PRDM10: variants seen among roughly 807,000 people sequenced by gnomAD.
The protein encoded by PRDM10 is PR/SET domain 10, also known as PR domain zinc finger protein 10.
In PRDM10, 65 loss-of-function variants were observed where a neutral mutation model predicts 133.1. The ratio of observed to expected loss-of-function variants is 0.49; its 90% confidence interval spans 0.40 to 0.60. PRDM10 has a LOEUF of 0.60. PRDM10 is among the 20% of genes least tolerant of loss of function. The pLI is 0.00. For missense variants in PRDM10, 1,137 were observed against 1,507.1 expected, an observed-to-expected ratio of 0.75 and a Z score of 4.07; for synonymous variants, 582 against 580.4, an observed-to-expected ratio of 1.00 and a Z score of -0.04.
At chr11:129,951,050 C>A (rs1951568950) in intron 4 of PRDM10, among the ~76,000 whole-genome samples, 1 of 152,170 alleles carries the variant, frequency 6.6e-6, no homozygotes, top group African/African-American at 2.4e-5. Flanking sequence ...CAGAAACATG[C>A]AAACTGCTGT....
intron 8 of PRDM10, 40 bp downstream of exon 8, chr11:129,937,558 G>T (rs369482525): frequency 2.6e-6 from 4 of 1,567,454 alleles, no homozygotes; most frequent in Non-Finnish European, 3.5e-6. Context: ...ATACAATTTA[G>T]AATTCATATA....
In PRDM10 at chr11:129,915,968, C is replaced by T. The variant is rs80341817; in HGVS notation, c.2326-108G>A. ...AAAATGAGGAAAAGTATTCATGTAG[C>T]CCCAAATAAAATATATTAATATGTA... is the stretch of plus-strand genomic sequence containing the variant. On this transcript the variant is annotated intron_variant, in intron 15 of 20. Coordinates refer to ENST00000360871, the MANE Select transcript of PRDM10 (RefSeq NM_199437.2). The T allele has an allele frequency of 2.9e-6, 3 of 1,035,880 alleles. No homozygotes were observed. The Admixed American group carries it at 8.8e-5, about 30-fold the overall frequency. 64.2% of individuals were successfully genotyped at this position (1,035,880 alleles called of 1,614,324 possible).
chr11:129,962,184 C>T (rs921812024), intron 1 of PRDM10, among the ~76,000 whole-genome samples: 2 of 152,126 alleles, frequency 1.3e-5, no homozygotes, highest in African/African-American at 2.4e-5. Context: ...AATCTTATTC[C>T]TTCCCAAAAC....
At chr11:129,916,009 TGAA>T in intron 15 of PRDM10, 149 bp from the exon 16 acceptor site, 1 of 677,772 alleles carries the variant, frequency 1.5e-6, no homozygotes, top group Non-Finnish European at 2.3e-6. Context: ...ACAGATCTAT[TGAA>T]GAGCAAGGAT....
chr11:129,955,402 G>C, intron 4 of PRDM10, 110 bp downstream of exon 4: 1 of 1,008,682 alleles, frequency 9.9e-7, no homozygotes, highest in South Asian at 1.7e-5. Context: ...AACATTCTTA[G>C]TACATGAGAA....
rs550829538 is a variant in PRDM10 at position 129,990,628 on chromosome 11, C to T, written c.-119+12094G>A. Among the ~76,000 whole-genome samples the T allele has an allele frequency of 1.2e-4, 18 of 151,762 alleles. No homozygotes were observed. The South Asian group carries it at 3.3e-3, about 28-fold the overall frequency. ...TATAAACACGTTAATGTGGTCCTCACCTGTTTTTATTATCATTATTTTGTA... is the reference window on the plus strand; with the variant it reads ...TATAAACACGTTAATGTGGTCCTCATCTGTTTTTATTATCATTATTTTGTA... On this transcript the variant is annotated intron_variant, in intron 1 of 20. Transcript: ENST00000360871.
At chr11:129,981,101 C>G (rs1002144131) in intron 1 of PRDM10, among the ~76,000 whole-genome samples, 1 of 151,990 alleles carries the variant, frequency 6.6e-6, no homozygotes, top group Non-Finnish European at 1.5e-5. Context: ...CAACTCCTGA[C>G]CTCAGGTGAT....
chr11:129,999,643 T>C (rs1939237542), intron 1 of PRDM10, among the ~76,000 whole-genome samples: 1 of 152,200 alleles, frequency 6.6e-6, no homozygotes, highest in South Asian at 2.1e-4. Context: ...GGTTACGAGG[T>C]GTTTACCAGT....
rs1949793318 is a variant in PRDM10 at position 129,899,759 on chromosome 11, T to G, written c.*2554A>C. On this transcript the variant is annotated 3_prime_UTR_variant, in exon 21 of 21. Coordinates refer to ENST00000360871, the MANE Select transcript of PRDM10 (RefSeq NM_199437.2). Reference sequence around the variant, plus strand: ...TTATTAAAAAATATATTTATTAATTTTTACACCTGCTGCATAGCACAAGAC... The same window carrying G: ...TTATTAAAAAATATATTTATTAATTGTTACACCTGCTGCATAGCACAAGAC... 6.6e-6 allele frequency: 1 copy of G among 152,626 alleles called. No individual in the cohort carries two copies. Among genetic ancestry groups the G allele is most frequent in the Admixed American group, 6.5e-5 (1 of 15,278 alleles). 9.5% of individuals were successfully genotyped at this position (152,626 alleles called of 1,614,324 possible).
chr11:129,917,862 G>A (rs560198600), intron 14 of PRDM10, among the ~76,000 whole-genome samples: 1 of 152,334 alleles, frequency 6.6e-6, no homozygotes, highest in African/African-American at 2.4e-5. Flanking sequence ...TGGGTGCAGT[G>A]GCTCACGCCT....
chr11:129,950,142 T>C (rs1951545652), intron 4 of PRDM10, among the ~76,000 whole-genome samples: 1 of 151,128 alleles, frequency 6.6e-6, no homozygotes, highest in Non-Finnish European at 1.5e-5. Flanking sequence ...GAGACTGACA[T>C]GGGAGAATCA....
intron 1 of PRDM10, among the ~76,000 whole-genome samples, chr11:129,988,865 G>A (rs573697275): frequency 1.6e-4 from 22 of 140,974 alleles, no homozygotes; most frequent in Admixed American, 1.2e-3. Flanking sequence ...TCCTGACCTC[G>A]TGATCCGCCC....
intron 1 of PRDM10, among the ~76,000 whole-genome samples, chr11:129,999,042 C>T (rs1939206773): frequency 6.6e-6 from 1 of 151,936 alleles, no homozygotes; most frequent in South Asian, 2.1e-4. Context: ...AGACTGTTCT[C>T]GAACTCCTGG....
chr11:129,951,879 C>G (rs751902430), intron 4 of PRDM10, among the ~76,000 whole-genome samples: 1 of 151,860 alleles, frequency 6.6e-6, no homozygotes, highest in African/African-American at 2.4e-5. Flanking sequence ...ATTCTGCCCC[C>G]ACTAAAAACA....
chr11:130,000,834 C>T (rs183036971), intron 1 of PRDM10, among the ~76,000 whole-genome samples: 1 of 152,278 alleles, frequency 6.6e-6, no homozygotes, highest in African/African-American at 2.4e-5. Flanking sequence ...AGGCCGAGCG[C>T]GGGGGCCCAT....
chr11:129,987,663 A>G (rs1239927928), intron 1 of PRDM10, among the ~76,000 whole-genome samples: 5 of 152,278 alleles, frequency 3.3e-5, no homozygotes, highest in Non-Finnish European at 7.3e-5. Flanking sequence ...ATAAGTGAAG[A>G]AAATATGGTA....
Position 129,923,541 on chromosome 11 carries a change from G to T in PRDM10, c.1879-138C>A. 1 of 881,794 alleles carries T rather than the reference G, an allele frequency of 1.1e-6. No homozygotes were observed. Among genetic ancestry groups the T allele is most frequent in the Non-Finnish European group, 1.7e-6 (1 of 604,166 alleles). 54.6% of individuals were successfully genotyped at this position (881,794 alleles called of 1,614,324 possible). ...ACCCCGCCGAGGAATCCAATCAGAT[G>T]TGATAATTGGCCTCAATAACACATA... On this transcript the variant is annotated intron_variant, in intron 12 of 20. Coordinates refer to ENST00000360871, the MANE Select transcript of PRDM10 (RefSeq NM_199437.2). The surrounding 1 kb of genome is among the most constrained non-coding windows in gnomAD (Gnocchi z 4.4).
In PRDM10 at chr11:129,915,763, G is replaced by T; in HGVS notation, c.2423C>A (p.Pro808His). The part of the protein sequence containing the change: ...PSIRKLRPAG[P>H]GEPDPMLSTH... Reference sequence around the variant, plus strand: ...GCTCAGCATGGGGTCTGGCTCTCCAGGACCAGCGGGTCGGAGCTTCCGAAT... The same window carrying T: ...GCTCAGCATGGGGTCTGGCTCTCCATGACCAGCGGGTCGGAGCTTCCGAAT... The change falls in exon 16 of 21, where the codon CCT becomes CAT. Residue 808 changes from proline (P) to histidine (H), a missense_variant. Transcript: ENST00000360871. The T allele has an allele frequency of 6.2e-7, 1 of 1,614,208 alleles. No homozygotes were observed. Among genetic ancestry groups the T allele is most frequent in the South Asian group, 1.1e-5 (1 of 91,090 alleles).
At chr11:129,988,786 C>T (rs569793455) in intron 1 of PRDM10, among the ~76,000 whole-genome samples, 5 of 152,098 alleles carry the variant, frequency 3.3e-5, no homozygotes, top group South Asian at 4.2e-4. Flanking sequence ...TCCGCCACCA[C>T]ACCCAGCTAA....
Sources: gnomAD v4.1 joint callset for allele counts (sites outside exome capture counted in the v4.1 genomes callset) on GRCh38, gnomAD v4.1.1 for gene constraint, Gnocchi (gnomAD v3.1) non-coding constraint, MANE v1.5 for transcripts, NCBI Gene and HGNC (gene_info 2026-07-23, HGNC 2026-07-21) for gene names.